Variants in GTPBP6 observed in about 807,000 individuals in gnomAD.
The protein encoded by GTPBP6 is putative GTP-binding protein 6.
In GTPBP6, 33 loss-of-function variants were observed where a neutral mutation model predicts 28.9. The observed-to-expected ratio is 1.14, with a 90% CI of 0.87 to 1.53. The LOEUF is 1.53. Among genes scored for constraint, GTPBP6 ranks in the 40% most tolerant of loss-of-function variants. The pLI is 0.00. For missense variants in GTPBP6, 507 were observed against 408.3 expected (o/e 1.24, Z -2.08); for synonymous variants, 231 against 192.7 (o/e 1.20, Z -1.65).
At chrX:315,567 C>CACAA (rs2070415768) in intron 2 of GTPBP6, among the ~76,000 whole-genome samples, 1 of 149,210 alleles carries the variant, frequency 6.7e-6, no homozygotes, top group Non-Finnish European at 1.5e-5. Context: ...CACACACACA[C>CACAA]ACACACACAC....
Position 316,538 on chromosome X carries a change from G to A in GTPBP6, c.487+376C>T, listed in dbSNP as rs1200945866. Among the ~76,000 whole-genome samples, 11 of 152,280 alleles carry A rather than the reference G, an allele frequency of 7.2e-5. No individual in the cohort carries two copies. In the South Asian group the frequency reaches 1.7e-3, roughly 23 times the overall value. ...AACCTGGGAAGCGCAAGGATCGCAT[G>A]CTGGACCCCACCCTAAGAGACTGCT... On this transcript the variant is annotated intron_variant, in intron 2 of 9. Coordinates refer to ENST00000326153, the Ensembl canonical transcript of GTPBP6.
chrX:305,934 T>G (rs1034846228), intron 9 of GTPBP6, among the ~76,000 whole-genome samples: 2 of 152,044 alleles, frequency 1.3e-5, no homozygotes, highest in Non-Finnish European at 2.9e-5. Context: ...TGGTAACTTT[T>G]TATTCTTTGT....
chrX:305,301 A>C, intron 9 of GTPBP6, 104 bp from the exon 10 acceptor site: 5 of 885,458 alleles, frequency 5.6e-6, no homozygotes, highest in Non-Finnish European at 9.1e-6. Flanking sequence ...CAAACCATTC[A>C]TCAGACCGTC....
chrX:314,257 T>C (rs751207029), intron 4 of GTPBP6, 40 bp from the exon 5 acceptor site: 116 of 1,527,452 alleles, frequency 7.6e-5, no homozygotes, highest in East Asian at 2.3e-5. Context: ...CTGCGGACGC[T>C]GTCTCCCTCC....
chrX:311,590 G>A (rs764275252), exon 7 of GTPBP6: 25 of 1,612,084 alleles, frequency 1.6e-5, no homozygotes, highest in Middle Eastern at 2.0e-4. Context: ...GCTGGATGGC[G>A]GCATCGCCCG....
chrX:313,292 C>G (rs2070353253), intron 5 of GTPBP6, among the ~76,000 whole-genome samples: 1 of 152,212 alleles, frequency 6.6e-6, no homozygotes, highest in Non-Finnish European at 1.5e-5. Context: ...GGAATGGGAC[C>G]TGATTTGGAA....
chrX:305,036 G>A, exon 10 of GTPBP6: 2 of 1,606,916 alleles, frequency 1.2e-6, no homozygotes, highest in Non-Finnish European at 1.7e-6. Flanking sequence ...TCCCCAGGCA[G>A]CGATGCCCCC....
exon 5 of GTPBP6, chrX:314,214 C>T (rs372724800): frequency 5.8e-5 from 94 of 1,613,070 alleles, no homozygotes; most frequent in Admixed American, 5.0e-4. Context: ...TTTTCAAGTT[C>T]GACCTGGTGT....
At chrX:314,168 G>A (rs375716542) in exon 5 of GTPBP6, 62 of 1,612,648 alleles carry the variant, frequency 3.8e-5, no homozygotes, top group African/African-American at 3.3e-4. Flanking sequence ...ATGATGTAGC[G>A]CGAGCCGACT....
intron 1 of GTPBP6, 50 bp from the exon 2 acceptor site, chrX:317,101 C>T (rs1332650584): frequency 8.9e-6 from 3 of 338,830 alleles, no homozygotes; most frequent in African/African-American, 6.3e-5. Context: ...CCGGGGCCCC[C>T]GTCCACACCT....
intron 7 of GTPBP6, among the ~76,000 whole-genome samples, chrX:311,114 C>G (rs1442597090): frequency 2.0e-5 from 3 of 151,150 alleles, no homozygotes; most frequent in Non-Finnish European, 4.4e-5. Flanking sequence ...CAGCCTCTCG[C>G]CCGGGGACGT....
In GTPBP6 at chrX:316,251, GCAGACACACACA is replaced by G. The variant is rs1313233786; in HGVS notation, c.487+651_487+662del. Among the ~76,000 whole-genome samples, 17 of 15,866 alleles carry G rather than the reference GCAGACACACACA, an allele frequency of 1.1e-3. 6 individuals are homozygous for G. Among genetic ancestry groups the G allele is most frequent in the Admixed American group, 6.7e-3 (9 of 1,342 alleles). The allele number at this position is 15,866 out of a possible 152,430, so 10.4% of individuals were successfully genotyped here. A position where few individuals can be genotyped will look rare whatever the true frequency, so the allele number is the denominator to read the frequency against. On this transcript the variant is annotated intron_variant, in intron 2 of 9. Coordinates refer to ENST00000326153, the Ensembl canonical transcript of GTPBP6. ...AGCAGGGACACAAACACATACACAC[GCAGACACACACA>G]CAGACACACACACAGTAAATACATC...
chrX:317,717 CCCCACCCCA>C (rs2070465331), intron 1 of GTPBP6, among the ~76,000 whole-genome samples: 2 of 134,786 alleles, frequency 1.5e-5, no homozygotes, highest in Non-Finnish European at 1.6e-5. Flanking sequence ...CCCCACCCCA[CCCCACCCCA>C]CCCCACGGAC....
At chrX:317,028 T>C (rs1261890390) in exon 2 of GTPBP6, 3 of 398,422 alleles carry the variant, frequency 7.5e-6, no homozygotes, top group African/African-American at 2.1e-5. Flanking sequence ...ACCAGCGCTG[T>C]GGCCTCCGCC....
intron 6 of GTPBP6, chrX:312,339 G>C (rs1255101764): frequency 6.4e-6 from 3 of 470,128 alleles, no homozygotes; most frequent in Non-Finnish European, 1.3e-5. Flanking sequence ...AGTGGTGCTG[G>C]TGTAGACAGG....
At chrX:315,465 GGTGTGTCTCTAGGAGT>G (rs2070412456) in intron 2 of GTPBP6, among the ~76,000 whole-genome samples, 166 bp from the exon 3 acceptor site, 1 of 151,716 alleles carries the variant, frequency 6.6e-6, no homozygotes, top group African/African-American at 2.4e-5. Context: ...CGTGGGAGGG[GGTGTGTCTCTAGGAGT>G]GTGTGTCTCA....
intron 3 of GTPBP6, 97 bp from the exon 4 acceptor site, chrX:315,117 A>C (rs1277643895): frequency 3.0e-5 from 12 of 398,274 alleles, no homozygotes; most frequent in East Asian, 1.1e-4. Flanking sequence ...CCTTAACCCC[A>C]CCGTGTCCCC....
exon 10 of GTPBP6, chrX:304,855 G>C: frequency 7.0e-7 from 1 of 1,429,562 alleles, no homozygotes; most frequent in Non-Finnish European, 9.2e-7. Context: ...TGGATGCTCA[G>C]GCTTGGAGTG....
intron 1 of GTPBP6, among the ~76,000 whole-genome samples, chrX:317,992 C>A (rs1213276720): frequency 2.0e-5 from 3 of 147,686 alleles, no homozygotes; most frequent in Admixed American, 6.8e-5. Flanking sequence ...CAGAGCCCCG[C>A]CCCTCAGCGC....
Sources: allele counts gnomAD v4.1 joint callset (sites outside exome capture counted in the v4.1 genomes callset), GRCh38; gene constraint gnomAD v4.1.1; transcripts MANE v1.5; gene names NCBI Gene and HGNC (gene_info 2026-07-23, HGNC 2026-07-21).